CLASP1: variants seen among roughly 807,000 people sequenced by gnomAD.
The protein encoded by CLASP1 is CLIP-associating protein 1.
A neutral mutation model predicts 192.3 loss-of-function variants in CLASP1; 38 were observed. The ratio of observed to expected loss-of-function variants is 0.20; its 90% CI spans 0.15 to 0.26. The LOEUF (loss-of-function observed/expected upper bound fraction) is 0.26. CLASP1 is among the 10% of genes least tolerant of loss of function. The probability of loss-of-function intolerance (pLI) is 1.00; values close to 1 mark genes in which losing one functional copy is unlikely to be tolerated. For synonymous variants in CLASP1, 691 were observed against 712.8 expected, an observed-to-expected ratio of 0.97 and a Z score of 0.49; for missense variants, 1,433 against 1,932.5, an observed-to-expected ratio of 0.74 and a Z score of 4.85.
chr2:121,358,371 G>A (rs2065795078), intron 37 of CLASP1, among the ~76,000 whole-genome samples: 1 of 152,184 alleles, frequency 6.6e-6, no homozygotes. Context: ...CCAAAGTACA[G>A]AGGGGTAAAG....
At chr2:121,451,828 A>T (rs1559253576) in exon 15 of CLASP1, 1 of 1,572,128 alleles carries the variant, frequency 6.4e-7, no homozygotes, top group Non-Finnish European at 8.6e-7. Context: ...GTAAAAGCAA[A>T]TCTAAAAATT....
intron 22 of CLASP1, among the ~76,000 whole-genome samples, chr2:121,424,629 T>C (rs2080078528): frequency 6.6e-6 from 1 of 152,226 alleles, no homozygotes. Context: ...TATTATGTAT[T>C]GGTTTTAATC....
intron 22 of CLASP1, among the ~76,000 whole-genome samples, chr2:121,422,276 G>A (rs995538706): frequency 7.2e-5 from 11 of 152,166 alleles, no homozygotes; most frequent in African/African-American, 2.7e-4. Flanking sequence ...CTCTGGTCTA[G>A]ACATTTTCAT....
intron 22 of CLASP1, among the ~76,000 whole-genome samples, chr2:121,420,663 T>C (rs1390047897): frequency 6.6e-6 from 1 of 152,228 alleles, no homozygotes; most frequent in African/African-American, 2.4e-5. Context: ...TTTTGTCGTA[T>C]TCCACTGCCC....
chr2:121,419,583 A>G (rs1237065351), intron 22 of CLASP1, among the ~76,000 whole-genome samples: 2 of 152,138 alleles, frequency 1.3e-5, no homozygotes, highest in African/African-American at 4.8e-5. Flanking sequence ...ATCTACGGCT[A>G]AAGTTAATCA....
intron 8 of CLASP1, among the ~76,000 whole-genome samples, chr2:121,496,877 G>A (rs1302085354): frequency 2.0e-5 from 3 of 152,168 alleles, no homozygotes; most frequent in African/African-American, 7.2e-5. Context: ...ATACACAATG[G>A]TATATAATTC....
intron 8 of CLASP1, among the ~76,000 whole-genome samples, chr2:121,478,946 C>T (rs2092273821): frequency 4.1e-5 from 2 of 49,210 alleles, no homozygotes; most frequent in Non-Finnish European, 9.0e-5. Flanking sequence ...CCCCCACACA[C>T]ACACCACACA....
intron 6 of CLASP1, among the ~76,000 whole-genome samples, chr2:121,525,392 G>A (rs2094551734): frequency 6.6e-6 from 1 of 152,158 alleles, no homozygotes; most frequent in Non-Finnish European, 1.5e-5. Flanking sequence ...GATATACACA[G>A]TGGAGCCACC....
chr2:121,386,853 T>C (rs934295637), intron 32 of CLASP1, among the ~76,000 whole-genome samples: 2 of 152,158 alleles, frequency 1.3e-5, no homozygotes, highest in Non-Finnish European at 2.9e-5. Context: ...TACAAACTTT[T>C]AGTTGTAGGT....
chr2:121,584,276 G>C (rs555312993), intron 2 of CLASP1, among the ~76,000 whole-genome samples: 1 of 152,224 alleles, frequency 6.6e-6, no homozygotes, highest in Admixed American at 6.5e-5. Flanking sequence ...AAATCACCCA[G>C]TCTGTGGTTA....
intron 1 of CLASP1, among the ~76,000 whole-genome samples, chr2:121,631,460 G>T (rs566089208): frequency 1.3e-5 from 2 of 151,296 alleles, no homozygotes; most frequent in East Asian, 4.0e-4. Context: ...GCTAATTTTT[G>T]TATTTTTAGT....
At chr2:121,377,530 A>G in exon 34 of CLASP1, 1 of 1,605,090 alleles carries the variant, frequency 6.2e-7, no homozygotes. Flanking sequence ...ATCTCGTTTA[A>G]TTGGCTCATT....
At chr2:121,518,175 G>C (rs1020787031) in intron 6 of CLASP1, among the ~76,000 whole-genome samples, 1 of 142,032 alleles carries the variant, frequency 7.0e-6, no homozygotes, top group Non-Finnish European at 1.5e-5. Flanking sequence ...AGGTTGCAGT[G>C]AGCTGAGATC....
intron 21 of CLASP1, 37 bp from the exon 22 acceptor site, chr2:121,425,343 T>C: frequency 6.3e-7 from 1 of 1,586,830 alleles, no homozygotes; most frequent in Non-Finnish European, 8.6e-7. Flanking sequence ...ATAATAGATG[T>C]AAATGTAGGA....
intron 23 of CLASP1, among the ~76,000 whole-genome samples, chr2:121,412,394 A>G (rs971940596): frequency 7.2e-5 from 11 of 152,292 alleles, no homozygotes; most frequent in South Asian, 2.1e-4. Context: ...ACATTTATCT[A>G]TATCAGTTGA....
intron 8 of CLASP1, chr2:121,470,249 G>C (rs766801051): frequency 6.1e-6 from 3 of 490,212 alleles, no homozygotes; most frequent in African/African-American, 2.0e-5. Flanking sequence ...CCACCACCTT[G>C]AAACAGTTAT....
At chr2:121,628,873 C>G (rs1223234586) in intron 1 of CLASP1, among the ~76,000 whole-genome samples, 7 of 140,742 alleles carry the variant, frequency 5.0e-5, no homozygotes, top group Non-Finnish European at 7.5e-5. Context: ...CCTGACAGAG[C>G]GAGACTCCAT....
intron 22 of CLASP1, among the ~76,000 whole-genome samples, chr2:121,422,269 T>C (rs962230340): frequency 2.6e-5 from 4 of 152,250 alleles, no homozygotes; most frequent in Non-Finnish European, 1.5e-5. Flanking sequence ...AATGTCTCTC[T>C]GGTCTAGACA....
Position 121,414,084 on chromosome 2 carries a change from T to C in CLASP1, c.2321-3115A>G, listed in dbSNP as rs374051543. Among the ~76,000 whole-genome samples the C allele has an allele frequency of 1.5e-4, 23 of 152,292 alleles. No homozygotes were observed. The South Asian group carries it at 3.9e-3, about 26-fold the overall frequency. ...ACACAGATGAAAACAAATGTTGACA[T>C]GGGTGTGAAACTAGAACATATGAAG... On this transcript the variant is annotated intron_variant, in intron 23 of 39. Transcript: ENST00000263710.
Sources: gnomAD v4.1 joint callset for allele counts (sites outside exome capture counted in the v4.1 genomes callset) on GRCh38, gnomAD v4.1.1 for gene constraint, MANE v1.5 for transcripts, NCBI Gene and HGNC (gene_info 2026-07-23, HGNC 2026-07-21) for gene names.